AUTS2: variants seen among roughly 807,000 people sequenced by gnomAD.
The protein encoded by AUTS2 is activator of transcription and developmental regulator AUTS2.
In AUTS2, 17 loss-of-function variants were observed where a neutral mutation model predicts 112.4. The observed-to-expected ratio is 0.15, with a 90% CI of 0.10 to 0.23. The LOEUF (loss-of-function observed/expected upper bound fraction) is 0.23, where lower values mean the gene tolerates loss of function less well. Among genes scored for constraint, AUTS2 ranks in the 10% least tolerant of loss-of-function variants. The pLI is 1.00. For missense variants in AUTS2, 1,510 were observed against 1,701.6 expected (o/e 0.89, Z 1.98); for synonymous variants, 751 against 702.7 (o/e 1.07, Z -1.09).
intron 4 of AUTS2, among the ~76,000 whole-genome samples, chr7:70,334,282 A>G (rs534020238): frequency 6.6e-6 from 1 of 152,304 alleles, no homozygotes; most frequent in South Asian, 2.1e-4. Flanking sequence ...TAGTTTTGTG[A>G]GTATTTCCAG....
At chr7:70,419,959 G>C (rs572174174) in intron 4 of AUTS2, among the ~76,000 whole-genome samples, 7 of 152,224 alleles carry the variant, frequency 4.6e-5, no homozygotes, top group Admixed American at 1.3e-4. Flanking sequence ...AGTCTCCAAG[G>C]GCTAGCTAGA....
chr7:70,485,251 G>C (rs535239756), intron 5 of AUTS2, among the ~76,000 whole-genome samples: 6 of 152,242 alleles, frequency 3.9e-5, no homozygotes, highest in Admixed American at 1.3e-4. Context: ...CAATCAACAA[G>C]TGGATAAAGA....
At chr7:70,624,314 A>G (rs932954656) in intron 5 of AUTS2, among the ~76,000 whole-genome samples, 8 of 152,182 alleles carry the variant, frequency 5.3e-5, no homozygotes, top group African/African-American at 1.4e-4. Flanking sequence ...CCATCTGCCC[A>G]GAACTCCAGA....
At chr7:70,708,994 T>C (rs1462534735) in intron 6 of AUTS2, among the ~76,000 whole-genome samples, 1 of 150,876 alleles carries the variant, frequency 6.6e-6, no homozygotes, top group African/African-American at 2.4e-5. Flanking sequence ...CTCGGCTCAC[T>C]GCAACCTCTG....
intron 1 of AUTS2, among the ~76,000 whole-genome samples, chr7:69,640,266 A>G (rs1400993149): frequency 6.6e-6 from 1 of 152,218 alleles, no homozygotes; most frequent in African/African-American, 2.4e-5. Context: ...TATAAAAGAA[A>G]TAGTGTCTAG....
At chr7:69,787,632 C>T (rs957051385) in intron 1 of AUTS2, among the ~76,000 whole-genome samples, 2 of 152,178 alleles carry the variant, frequency 1.3e-5, no homozygotes, top group Non-Finnish European at 2.9e-5. Context: ...TCACTGCAAC[C>T]TCCACCTCCT....
intron 2 of AUTS2, among the ~76,000 whole-genome samples, chr7:70,019,247 C>T (rs1800169146): frequency 6.6e-6 from 1 of 152,060 alleles, no homozygotes; most frequent in Non-Finnish European, 1.5e-5. Flanking sequence ...GAACAATACA[C>T]ACTGGGGCCT....
intron 14 of AUTS2, chr7:70,781,382 AAAC>A: frequency 1.5e-4 from 53 of 364,694 alleles, no homozygotes; most frequent in East Asian, 4.8e-4. Context: ...AAAAAAAAAA[AAAC>A]CAGACCAAAC....
rs770191694 is a variant in AUTS2, at chr7:70,790,358, C to G, written c.3142C>G (p.Pro1048Ala). 2 of 1,613,922 alleles carry G rather than the reference C, an allele frequency of 1.2e-6. No individual in the cohort carries two copies. The highest frequency in any genetic ancestry group is 2.2e-5 in the South Asian group (2 of 91,076). The change falls in exon 19 of 19, where the codon CCC becomes GCC. Residue 1048 changes from proline (P) to alanine (A), a missense_variant. Around this residue, in one of 3 missense-constraint regions of AUTS2, gnomAD observed 788 missense variants for 797.6 expected, o/e 0.99. Transcript: ENST00000342771. This position sits in a 1 kb window ranked among gnomAD's most constrained non-coding sequence, Gnocchi z 7.6. Reference sequence around the variant, plus strand: ...CCTGGACAGGACTCGCATGATGACCCCCTTCATGGGCATCAGCCCCCTCCC... The same window carrying G: ...CCTGGACAGGACTCGCATGATGACCGCCTTCATGGGCATCAGCCCCCTCCC... Reference protein sequence around the residue: ...SSLDRTRMMTPFMGISPLPGG... With the variant: ...SSLDRTRMMTAFMGISPLPGG...
intron 2 of AUTS2, among the ~76,000 whole-genome samples, chr7:69,952,241 T>G (rs1797055422): frequency 6.6e-6 from 1 of 152,178 alleles, no homozygotes; most frequent in Non-Finnish European, 1.5e-5. Flanking sequence ...CCCATACTTT[T>G]TGTCATAAAG....
intron 13 of AUTS2, 90 bp downstream of exon 13, chr7:70,775,476 T>C: frequency 9.4e-7 from 1 of 1,059,032 alleles, no homozygotes; most frequent in South Asian, 1.4e-5. Flanking sequence ...AAATAAGCCA[T>C]AGAAATGTTG....
intron 4 of AUTS2, among the ~76,000 whole-genome samples, chr7:70,417,980 T>A (rs1340192029): frequency 6.6e-6 from 1 of 152,046 alleles, no homozygotes; most frequent in Non-Finnish European, 1.5e-5. Context: ...AGGCTAAGGA[T>A]CATTTGGACC....
Position 69,872,148 on chromosome 7 carries a change from C to T in AUTS2, c.310-27138C>T, listed in dbSNP as rs190387610. 7.9e-5 allele frequency among the ~76,000 whole-genome samples: 12 copies of T among 152,276 alleles called. No homozygotes were observed. The East Asian group carries it at 2.3e-3, about 29-fold the overall frequency. ...GCCCTTCTGAGTGCAGGGCCCTGAG[C>T]GATTGCACAGGTCACACACCCATGA... On this transcript the variant is annotated intron_variant, in intron 1 of 18. Transcript: ENST00000342771.
chr7:69,721,133 T>G (rs1038011110), intron 1 of AUTS2, among the ~76,000 whole-genome samples: 2 of 152,206 alleles, frequency 1.3e-5, no homozygotes, highest in Non-Finnish European at 2.9e-5. Context: ...CATCCAGGTT[T>G]GAGCAGGGTG....
At chr7:70,027,890 T>G (rs889801106) in intron 2 of AUTS2, among the ~76,000 whole-genome samples, 1 of 152,180 alleles carries the variant, frequency 6.6e-6, no homozygotes, top group Non-Finnish European at 1.5e-5. Flanking sequence ...AAGTGTTTTT[T>G]TTTGTTTGTT....
chr7:70,408,996 G>A (rs1470500331), intron 4 of AUTS2, among the ~76,000 whole-genome samples: 1 of 152,170 alleles, frequency 6.6e-6, no homozygotes, highest in Non-Finnish European at 1.5e-5. Flanking sequence ...TATCCAGGTT[G>A]GTTCTGACCA....
At chr7:70,013,779 G>A (rs1249553479) in intron 2 of AUTS2, among the ~76,000 whole-genome samples, 2 of 152,098 alleles carry the variant, frequency 1.3e-5, no homozygotes, top group East Asian at 1.9e-4. Flanking sequence ...GTGCAGTGGC[G>A]CGAACTCGGC....
At chr7:69,836,092 A>G (rs1017517091) in intron 1 of AUTS2, among the ~76,000 whole-genome samples, 1 of 152,230 alleles carries the variant, frequency 6.6e-6, no homozygotes, top group African/African-American at 2.4e-5. Flanking sequence ...AGAAATGTCA[A>G]AGTGACAGAT....
chr7:70,390,655 C>G (rs1039584256), intron 4 of AUTS2, among the ~76,000 whole-genome samples: 6 of 151,898 alleles, frequency 4.0e-5, no homozygotes, highest in Non-Finnish European at 8.8e-5. Flanking sequence ...TGCATTCATT[C>G]TGTCAAGTCC....
Sources: allele counts gnomAD v4.1 joint callset (sites outside exome capture counted in the v4.1 genomes callset), GRCh38; gene constraint gnomAD v4.1.1; regional missense constraint gnomAD v4.1.1; non-coding constraint Gnocchi (gnomAD v3.1); transcripts MANE v1.5; gene names NCBI Gene and HGNC (gene_info 2026-07-23, HGNC 2026-07-21).